ANKRD28: variants seen among roughly 807,000 people sequenced by gnomAD.
ANKRD28 encodes the protein ankyrin repeat domain 28.
A neutral mutation model predicts 126.5 loss-of-function variants in ANKRD28; 44 were observed. The observed-to-expected ratio is 0.35, with a 90% CI of 0.27 to 0.45. The LOEUF (loss-of-function observed/expected upper bound fraction) is 0.45. Ranked by LOEUF, ANKRD28 falls within the 20% of genes least tolerant of loss-of-function variation. The pLI, the probability that ANKRD28 is intolerant of heterozygous loss-of-function variation, is 1.00. For missense variants in ANKRD28, 1,110 were observed against 1,316.6 expected, an observed-to-expected ratio of 0.84 and a Z score of 2.43; for synonymous variants, 442 against 468.5, an observed-to-expected ratio of 0.94 and a Z score of 0.73.
At chr3:15,837,568 A>G (rs1248451076) in intron 1 of ANKRD28, among the ~76,000 whole-genome samples, 2 of 152,226 alleles carry the variant, frequency 1.3e-5, no homozygotes, top group Non-Finnish European at 2.9e-5. Context: ...GAAAAATCAC[A>G]AAGGAATTTA....
intron 1 of ANKRD28, among the ~76,000 whole-genome samples, chr3:15,850,247 A>AGAGAGAGAGAGG (rs2061621494): frequency 7.2e-6 from 1 of 139,446 alleles, no homozygotes; most frequent in Non-Finnish European, 1.6e-5. Flanking sequence ...AGAGAGAGAG[A>AGAGAGAGAGAGG]GAGAGAGAGA....
chr3:15,742,839 G>A (rs866592126), intron 4 of ANKRD28, among the ~76,000 whole-genome samples: 18 of 142,326 alleles, frequency 1.3e-4, no homozygotes, highest in South Asian at 7.1e-4. Context: ...GAAGTGAGGA[G>A]CCCCTCTGCC....
At chr3:15,698,897 G>C (rs1352406867) in intron 14 of ANKRD28, among the ~76,000 whole-genome samples, 6 of 152,032 alleles carry the variant, frequency 3.9e-5, no homozygotes, top group East Asian at 3.9e-4. Flanking sequence ...CTACTTTAAA[G>C]TTCATATGGA....
In ANKRD28 at chr3:15,846,265, G is replaced by A. The variant is rs1047829546; in HGVS notation, c.27+13112C>T. 5.3e-5 allele frequency among the ~76,000 whole-genome samples: 8 copies of A among 152,186 alleles called. No individual in the cohort carries two copies. The highest frequency in any genetic ancestry group is 1.9e-4 in the African/African-American group (8 of 41,434). On this transcript the variant is annotated intron_variant, in intron 1 of 27. Coordinates refer to the ANKRD28 transcript ENST00000399451. This position sits in a 1 kb window ranked among gnomAD's most constrained non-coding sequence, Gnocchi z 5.4. ...TGGGTAAACGTTCCTGTTCCAATGG[G>A]AGACACTGGCCAAAACAAAGAGGCT... is the stretch of plus-strand genomic sequence containing the variant.
intron 4 of ANKRD28, among the ~76,000 whole-genome samples, chr3:15,737,759 A>C (rs2075128800): frequency 6.6e-6 from 1 of 152,126 alleles, no homozygotes; most frequent in African/African-American, 2.4e-5. Context: ...AGCCAGTCAT[A>C]GAGCCACACC....
At chr3:15,712,658 T>C (rs778493734) in intron 10 of ANKRD28, among the ~76,000 whole-genome samples, 1 of 152,210 alleles carries the variant, frequency 6.6e-6, no homozygotes, top group African/African-American at 2.4e-5. Flanking sequence ...ATGCAACATG[T>C]TCAAGAATAT....
Position 15,846,385 on chromosome 3 carries a change from C to A in ANKRD28, c.27+12992G>T, listed in dbSNP as rs746995868. 2.6e-5 allele frequency among the ~76,000 whole-genome samples: 4 copies of A among 152,224 alleles called. No homozygotes were observed. Among genetic ancestry groups the A allele is most frequent in the Non-Finnish European group, 5.9e-5 (4 of 68,046 alleles). On this transcript the variant is annotated intron_variant, in intron 1 of 27. Transcript: ENST00000399451. The surrounding 1 kb of genome is among the most constrained non-coding windows in gnomAD (Gnocchi z 5.4). ...TTGACTCCATGTCTCACATCCAGGG[C>A]ACACTGATGCAAGAGGTGAGCTCTC...
At chr3:15,785,481 T>C (rs1014863435) in intron 2 of ANKRD28, among the ~76,000 whole-genome samples, 5 of 152,060 alleles carry the variant, frequency 3.3e-5, no homozygotes, top group African/African-American at 1.2e-4. Context: ...CATCATGTCA[T>C]CAGGGAATTG....
chr3:15,738,970 C>T (rs1027596484), intron 4 of ANKRD28, among the ~76,000 whole-genome samples: 8 of 152,174 alleles, frequency 5.3e-5, no homozygotes, highest in East Asian at 1.9e-4. Context: ...AAGAATTCAG[C>T]GATATTTCTC....
In ANKRD28 at chr3:15,749,095, G is replaced by GTTTTTTTTT. The variant is rs1357402514; in HGVS notation, c.351+2654_351+2655insAAAAAAAAA. Among the ~76,000 whole-genome samples the GTTTTTTTTT allele has an allele frequency of 6.1e-3, 650 of 106,892 alleles. 110 individuals are homozygous for GTTTTTTTTT. The highest frequency in any genetic ancestry group is 0.013 in the East Asian group (40 of 3,028). 70.1% of individuals were successfully genotyped at this position (106,892 alleles called of 152,430 possible). Reference sequence around the variant, plus strand: ...ATTTTCCTTTCATATTCTATATTATGTTTTTGTTTTTTTTTTTTTTTTTTT... The same window carrying GTTTTTTTTT: ...ATTTTCCTTTCATATTCTATATTATGTTTTTTTTTTTTTTGTTTTTTTTTTTTTTTTTTT... On this transcript the variant is annotated intron_variant, in intron 4 of 27. Transcript: ENST00000683139.
intron 2 of ANKRD28, among the ~76,000 whole-genome samples, chr3:15,793,119 T>A (rs889255732): frequency 6.6e-6 from 1 of 152,174 alleles, no homozygotes; most frequent in Non-Finnish European, 1.5e-5. Context: ...TTTAAATAAA[T>A]TTACTTTGGA....
chr3:15,771,409 C>CAAA lies in ANKRD28; in HGVS notation c.202-5100_202-5098dup, dbSNP rs35184017. Among the ~76,000 whole-genome samples the CAAA allele has an allele frequency of 2.0e-3, 228 of 115,064 alleles. 5 individuals carry two copies. The highest frequency in any genetic ancestry group is 9.2e-3 in the Admixed American group (105 of 11,360). 75.5% of individuals were successfully genotyped at this position (115,064 alleles called of 152,430 possible). On this transcript the variant is annotated intron_variant, in intron 2 of 27. Coordinates refer to ENST00000683139, the MANE Select transcript of ANKRD28 (RefSeq NM_001349278.2). ...TGGGTGACAGAGCAAAACTCTGTCT[C>CAAA]AAAAAAAAAAAAAAAAGGCATGGCA...
At chr3:15,813,872 C>T (rs185580020) in intron 1 of ANKRD28, among the ~76,000 whole-genome samples, 2 of 152,232 alleles carry the variant, frequency 1.3e-5, no homozygotes, top group African/African-American at 4.8e-5. Context: ...AGGATGCATA[C>T]ATCTAAACCA....
intron 1 of ANKRD28, among the ~76,000 whole-genome samples, chr3:15,808,401 C>G (rs1307489058): frequency 6.6e-6 from 1 of 152,214 alleles, no homozygotes; most frequent in East Asian, 1.9e-4. Flanking sequence ...CCCTGGCTTT[C>G]TACCTCAGAG....
At chr3:15,737,934 C>CT (rs2075144999) in intron 4 of ANKRD28, among the ~76,000 whole-genome samples, 1 of 149,144 alleles carries the variant, frequency 6.7e-6, no homozygotes, top group African/African-American at 2.5e-5. Flanking sequence ...AGACAAGGTT[C>CT]TTTTTGCAGT....
intron 1 of ANKRD28, among the ~76,000 whole-genome samples, chr3:15,823,111 G>A (rs1261335783): frequency 6.6e-6 from 1 of 152,222 alleles, no homozygotes; most frequent in Non-Finnish European, 1.5e-5. Flanking sequence ...TGTTGTGAAA[G>A]ACAATTTTTC....
intron 1 of ANKRD28, among the ~76,000 whole-genome samples, chr3:15,822,401 A>G (rs909839382): frequency 5.9e-5 from 9 of 152,236 alleles, no homozygotes; most frequent in Non-Finnish European, 1.5e-5. Flanking sequence ...CACAATGAAG[A>G]ACACAGACTT....
chr3:15,839,404 C>A lies in ANKRD28; in HGVS notation c.27+19973G>T, dbSNP rs1446664917. On this transcript the variant is annotated intron_variant, in intron 1 of 27. Coordinates refer to the ANKRD28 transcript ENST00000399451. The surrounding 1 kb of genome is among the most constrained non-coding windows in gnomAD (Gnocchi z 4.3). ...CAACTGAATTACAGCTGGAGAGAAC[C>A]AAAGTGGGTAAAAGGGAAGATTTTC... Among the ~76,000 whole-genome samples, 1 of 151,948 alleles carries A rather than the reference C, an allele frequency of 6.6e-6. No homozygotes were observed. The highest frequency in any genetic ancestry group is 1.5e-5 in the Non-Finnish European group (1 of 67,998).
chr3:15,850,224 T>TATATATATATATATAGAGAGAG (rs1418223588), intron 1 of ANKRD28, among the ~76,000 whole-genome samples: 39 of 35,076 alleles, frequency 1.1e-3, no homozygotes, highest in Non-Finnish European at 1.9e-3. Flanking sequence ...TATATATATA[T>TATATATATATATATAGAGAGAG]AGAGAGAGAG....
Sources: gnomAD v4.1 joint callset for allele counts (sites outside exome capture counted in the v4.1 genomes callset) on GRCh38, gnomAD v4.1.1 for gene constraint, Gnocchi (gnomAD v3.1) non-coding constraint, MANE v1.5 for transcripts, NCBI Gene and HGNC (gene_info 2026-07-23, HGNC 2026-07-21) for gene names.